Variants in ADCY2 observed in about 807,000 individuals in gnomAD.
ADCY2 encodes the protein adenylate cyclase 2.
A neutral mutation model predicts 125.2 loss-of-function variants in ADCY2; 31 were observed. That is an observed-to-expected ratio of 0.25 (90% confidence interval 0.19 to 0.33). The LOEUF is 0.33. ADCY2 is among the 10% of genes least tolerant of loss of function. ADCY2 has a pLI of 1.00. For synonymous variants in ADCY2, 512 were observed against 548.4 expected, an observed-to-expected ratio of 0.93 and a Z score of 0.93; for missense variants, 904 against 1,418.2, an observed-to-expected ratio of 0.64 and a Z score of 5.82.
At chr5:7,572,976 G>A (rs1455386740) in intron 3 of ADCY2, among the ~76,000 whole-genome samples, 2 of 151,988 alleles carry the variant, frequency 1.3e-5, no homozygotes, top group African/African-American at 4.8e-5. Context: ...CTTTAGGGTG[G>A]GCTGTAATCT....
At chr5:7,596,541 TG>T (rs1737011148) in intron 3 of ADCY2, among the ~76,000 whole-genome samples, 1 of 152,060 alleles carries the variant, frequency 6.6e-6, no homozygotes, top group South Asian at 2.1e-4. Flanking sequence ...GGCAAGTGAG[TG>T]GGTGGCTGAG....
chr5:7,462,069 C>CT (rs1561038958), intron 2 of ADCY2, among the ~76,000 whole-genome samples: 1 of 152,184 alleles, frequency 6.6e-6, no homozygotes, highest in Non-Finnish European at 1.5e-5. Flanking sequence ...TTTATGGTGT[C>CT]TGCACATTTT....
intron 3 of ADCY2, among the ~76,000 whole-genome samples, chr5:7,538,394 T>C (rs755589142): frequency 3.0e-4 from 46 of 152,188 alleles, no homozygotes; most frequent in Admixed American, 3.9e-4. Flanking sequence ...GGATTAGGGA[T>C]TGGGAGTATG....
chr5:7,486,079 C>T lies in ADCY2; in HGVS notation c.409-34659C>T, dbSNP rs1346134207. ...ACAATATATGTGATATTATTCATTA[C>T]GAACAAATAAGATGAGAGAAACTGA... On this transcript the variant is annotated intron_variant, in intron 2 of 24. Coordinates refer to ENST00000338316, the MANE Select transcript of ADCY2 (RefSeq NM_020546.3). 4.6e-5 allele frequency among the ~76,000 whole-genome samples: 7 copies of T among 152,218 alleles called. No homozygotes were observed. In the East Asian group the frequency reaches 5.8e-4, roughly 13 times the overall value.
chr5:7,587,191 A>C (rs1008586784), intron 3 of ADCY2, among the ~76,000 whole-genome samples: 3 of 151,568 alleles, frequency 2.0e-5, no homozygotes, highest in Non-Finnish European at 4.4e-5. Context: ...ACTAACTTCA[A>C]CTCATCCCTT....
Position 7,695,061 on chromosome 5 carries a change from A to C in ADCY2, c.870-691A>C, listed in dbSNP as rs1399015745. ...CATCTGCAGAAATTTAGGCTTCTTC[A>C]TAAGACCTTGATACAAATCAGAAAC... On this transcript the variant is annotated intron_variant, in intron 5 of 24. Coordinates refer to ENST00000338316, the MANE Select transcript of ADCY2 (RefSeq NM_020546.3). Among the ~76,000 whole-genome samples the C allele has an allele frequency of 2.0e-5, 3 of 152,228 alleles. No homozygotes were observed. The East Asian group carries it at 5.8e-4, about 29-fold the overall frequency.
At chr5:7,523,887 A>G (rs771825950) in intron 3 of ADCY2, among the ~76,000 whole-genome samples, 2 of 152,214 alleles carry the variant, frequency 1.3e-5, no homozygotes, top group African/African-American at 4.8e-5. Flanking sequence ...TAAGCCACCA[A>G]AGGAAGGAAG....
intron 21 of ADCY2, among the ~76,000 whole-genome samples, chr5:7,803,962 A>T (rs1744678704): frequency 7.2e-6 from 1 of 139,680 alleles, no homozygotes; most frequent in South Asian, 2.1e-4. Flanking sequence ...ACACACACAC[A>T]TGTATATCGT....
Position 7,825,232 on chromosome 5 carries a change from C to T in ADCY2, c.3124-1487C>T, listed in dbSNP as rs536283776. Among the ~76,000 whole-genome samples the T allele has an allele frequency of 2.3e-3, 343 of 151,930 alleles. 3 individuals are homozygous for T. The highest frequency in any genetic ancestry group is 7.3e-3 in the African/African-American group (301 of 41,448). On this transcript the variant is annotated intron_variant, in intron 24 of 24. Transcript: ENST00000338316. ...ACAACGCTGCTGTGCGCCACGACAA[C>T]GCTGCTGTGTGACATGACAACGCTG...
Position 7,799,415 on chromosome 5 carries a change from T to C in ADCY2, c.2629-2803T>C, listed in dbSNP as rs1487050024. On this transcript the variant is annotated intron_variant, in intron 20 of 24. Coordinates refer to ENST00000338316, the MANE Select transcript of ADCY2 (RefSeq NM_020546.3). ...AATTTCAGAAGCCTAGAAGTTTCCC[T>C]GGTTTCCCAGTAGTTATAGTCTTAT... The C allele has an allele frequency of 2.6e-5, 4 of 152,436 alleles. No homozygotes were observed. In the East Asian group the frequency reaches 7.7e-4, roughly 29 times the overall value. 9.4% of individuals were successfully genotyped at this position (152,436 alleles called of 1,614,324 possible).
intron 2 of ADCY2, among the ~76,000 whole-genome samples, chr5:7,499,669 A>ATGTG (rs1743487234): frequency 8.3e-6 from 1 of 119,800 alleles, no homozygotes; most frequent in Admixed American, 7.9e-5. Context: ...ATATATATAT[A>ATGTG]TATATATATA....
At chr5:7,772,491 G>T (rs1355569328) in intron 17 of ADCY2, among the ~76,000 whole-genome samples, 2 of 152,072 alleles carry the variant, frequency 1.3e-5, no homozygotes. Flanking sequence ...TTTTAACAGA[G>T]CTATCTGTAA....
chr5:7,741,006 G>A (rs1161228862), intron 14 of ADCY2, among the ~76,000 whole-genome samples: 2 of 152,004 alleles, frequency 1.3e-5, no homozygotes, highest in Non-Finnish European at 2.9e-5. Context: ...CTTATTCCTT[G>A]AGAAGGTCAA....
intron 1 of ADCY2, among the ~76,000 whole-genome samples, chr5:7,400,100 T>A (rs544743570): frequency 2.1e-3 from 225 of 106,410 alleles, no homozygotes; most frequent in Non-Finnish European, 1.4e-3. Context: ...GTTGACATAA[T>A]TTTTTTTTAT....
At chr5:7,521,357 A>AT (rs1305607671) in intron 3 of ADCY2, among the ~76,000 whole-genome samples, 20 of 151,970 alleles carry the variant, frequency 1.3e-4, no homozygotes, top group South Asian at 4.1e-4. Context: ...GTCTATGAGC[A>AT]TTAAAAAAAA....
chr5:7,590,096 A>G (rs553559178), intron 3 of ADCY2, among the ~76,000 whole-genome samples: 1 of 152,278 alleles, frequency 6.6e-6, no homozygotes, highest in African/African-American at 2.4e-5. Flanking sequence ...GCTAAAACCA[A>G]AATCAAAGCC....
At chr5:7,530,264 T>C (rs887876503) in intron 3 of ADCY2, among the ~76,000 whole-genome samples, 2 of 152,208 alleles carry the variant, frequency 1.3e-5, no homozygotes, top group Non-Finnish European at 2.9e-5. Flanking sequence ...ATTTGCATAA[T>C]TTTAGATAAG....
intron 3 of ADCY2, among the ~76,000 whole-genome samples, chr5:7,548,205 G>C (rs1277407960): frequency 1.3e-5 from 2 of 151,980 alleles, no homozygotes; most frequent in African/African-American, 2.4e-5. Context: ...GTTTGTATAG[G>C]TGAACTATTT....
chr5:7,658,429 G>A lies in ADCY2; in HGVS notation c.720+32113G>A, dbSNP rs866768182. On this transcript the variant is annotated intron_variant, in intron 4 of 24. Transcript: ENST00000338316. ...TGTGTGTGTGTGTGTGTGTGTGTGTGTGTATATATATATATATTTGAGATG... is the reference window on the plus strand; with the variant it reads ...TGTGTGTGTGTGTGTGTGTGTGTGTATGTATATATATATATATTTGAGATG... 1.3e-4 allele frequency among the ~76,000 whole-genome samples: 17 copies of A among 127,064 alleles called. No homozygotes were observed. The East Asian group carries it at 3.3e-3, about 25-fold the overall frequency. 83.4% of individuals were successfully genotyped at this position (127,064 alleles called of 152,430 possible).
Sources: allele counts gnomAD v4.1 joint callset (sites outside exome capture counted in the v4.1 genomes callset), GRCh38; gene constraint gnomAD v4.1.1; transcripts MANE v1.5; gene names NCBI Gene and HGNC (gene_info 2026-07-23, HGNC 2026-07-21).